MGAT4C: variants seen among roughly 807,000 people sequenced by gnomAD.
The protein encoded by MGAT4C is alpha-1,3-mannosyl-glycoprotein 4-beta-N-acetylglucosaminyltransferase C.
A neutral mutation model predicts 40.1 loss-of-function variants in MGAT4C; 19 were observed. The observed-to-expected ratio is 0.47, with a 90% confidence interval of 0.33 to 0.70. MGAT4C has a LOEUF of 0.70. Ranked by LOEUF, MGAT4C falls within the 30% of genes least tolerant of loss-of-function variation. The pLI, the probability that MGAT4C is intolerant of heterozygous loss-of-function variation, is 0.02. For missense variants in MGAT4C, 491 were observed against 563.2 expected (o/e 0.87, Z 1.30); for synonymous variants, 181 against 187.1 (o/e 0.97, Z 0.27).
In MGAT4C at chr12:86,420,237, C is replaced by T. The variant is rs1379837278; in HGVS notation, c.-120+14920G>A. On this transcript the variant is annotated intron_variant, in intron 3 of 7. Coordinates refer to the MGAT4C transcript ENST00000548651. ...TCTAAGAACGATTTTTAAAAATTAG[C>T]GGAGCATGGTGGCATGTGCCCGCAG... Among the ~76,000 whole-genome samples the T allele has an allele frequency of 2.6e-5, 4 of 151,966 alleles. 1 individual carries two copies. In the Middle Eastern group the frequency reaches 0.01, roughly 388 times the overall value.
intron 2 of MGAT4C, among the ~76,000 whole-genome samples, chr12:86,526,737 T>C (rs1165810005): frequency 2.0e-5 from 3 of 152,194 alleles, no homozygotes; most frequent in African/African-American, 7.2e-5. Flanking sequence ...GGGAGGGCCA[T>C]CGCTGGCCAT....
At chr12:86,507,373 G>T (rs1212386778) in intron 2 of MGAT4C, among the ~76,000 whole-genome samples, 1 of 152,020 alleles carries the variant, frequency 6.6e-6, no homozygotes, top group African/African-American at 2.4e-5. Flanking sequence ...ACCTTTATTT[G>T]GCTTCATGTA....
intron 2 of MGAT4C, among the ~76,000 whole-genome samples, chr12:86,690,810 T>C (rs1405555238): frequency 6.6e-6 from 1 of 152,200 alleles, no homozygotes; most frequent in Non-Finnish European, 1.5e-5. Context: ...ACTCAATATT[T>C]TCATCACTTT....
At chr12:86,401,283 T>G (rs375616966) in intron 3 of MGAT4C, among the ~76,000 whole-genome samples, 1 of 104,386 alleles carries the variant, frequency 9.6e-6, no homozygotes, top group Non-Finnish European at 2.2e-5. Flanking sequence ...TGTGTGTGTA[T>G]GTGGGTGTGT....
intron 2 of MGAT4C, among the ~76,000 whole-genome samples, chr12:86,632,683 C>T (rs551042177): frequency 1.1e-4 from 16 of 150,314 alleles, no homozygotes; most frequent in Admixed American, 4.7e-4. Context: ...TGCAGTTTCT[C>T]GCTCATAGGT....
At chr12:86,234,819 C>T (rs1265953895) in intron 1 of MGAT4C, among the ~76,000 whole-genome samples, 3 of 152,064 alleles carry the variant, frequency 2.0e-5, no homozygotes, top group African/African-American at 4.8e-5. Context: ...CTCCTTTTTG[C>T]TAAAACCAAT....
Position 86,618,116 on chromosome 12 carries a change from A to G in MGAT4C, c.-229+109093T>C, listed in dbSNP as rs570579308. Among the ~76,000 whole-genome samples the G allele has an allele frequency of 5.3e-5, 8 of 152,332 alleles. No homozygotes were observed. The East Asian group carries it at 1.2e-3, about 22-fold the overall frequency. ...CTAACTTCAGGGAAATGCAAATCAA[A>G]ACCACAATGAGATATCATCTTATCC... is the stretch of plus-strand genomic sequence containing the variant. On this transcript the variant is annotated intron_variant, in intron 2 of 7. Coordinates refer to the MGAT4C transcript ENST00000548651.
chr12:86,705,025 C>T (rs968855462), intron 2 of MGAT4C, among the ~76,000 whole-genome samples: 18 of 152,040 alleles, frequency 1.2e-4, no homozygotes, highest in Non-Finnish European at 2.1e-4. Flanking sequence ...CCGGGCCCCA[C>T]CTATCATATT....
intron 2 of MGAT4C, among the ~76,000 whole-genome samples, chr12:86,031,110 A>T (rs936646442): frequency 6.6e-6 from 1 of 150,426 alleles, no homozygotes; most frequent in African/African-American, 2.4e-5. Context: ...ATTATAAATA[A>T]TTTTTTTTTT....
intron 2 of MGAT4C, among the ~76,000 whole-genome samples, chr12:86,031,286 A>G (rs975627193): frequency 6.6e-6 from 1 of 151,806 alleles, no homozygotes; most frequent in African/African-American, 2.4e-5. Context: ...TCACAGTGGG[A>G]TAAACCAAGT....
At chr12:86,419,919 G>T (rs76860458) in intron 3 of MGAT4C, among the ~76,000 whole-genome samples, 9 of 152,136 alleles carry the variant, frequency 5.9e-5, no homozygotes, top group African/African-American at 1.7e-4. Flanking sequence ...CAGCAAAGGT[G>T]AGGAAAACAG....
At chr12:86,018,926 A>G (rs1889367490) in intron 2 of MGAT4C, among the ~76,000 whole-genome samples, 1 of 152,086 alleles carries the variant, frequency 6.6e-6, no homozygotes, top group Non-Finnish European at 1.5e-5. Context: ...TTGGGAAGAG[A>G]CAGTAAACTC....
At chr12:86,804,500 A>G (rs1426703090) in intron 1 of MGAT4C, among the ~76,000 whole-genome samples, 1 of 151,830 alleles carries the variant, frequency 6.6e-6, no homozygotes, top group East Asian at 1.9e-4. Context: ...TAGCTACATC[A>G]TTTTATTATA....
At chr12:86,273,615 T>A (rs1463511302) in intron 4 of MGAT4C, among the ~76,000 whole-genome samples, 1 of 152,002 alleles carries the variant, frequency 6.6e-6, no homozygotes, top group Non-Finnish European at 1.5e-5. Flanking sequence ...AGACCTGGAG[T>A]CACAATGTGG....
Position 86,388,084 on chromosome 12 carries a change from A to G in MGAT4C, c.-120+47073T>C, listed in dbSNP as rs140396767. 3.0e-3 allele frequency among the ~76,000 whole-genome samples: 450 copies of G among 152,262 alleles called. 2 individuals carry two copies. The highest frequency in any genetic ancestry group is 0.01 in the African/African-American group (429 of 41,584). On this transcript the variant is annotated intron_variant, in intron 3 of 7. Coordinates refer to the MGAT4C transcript ENST00000548651. ...TTTTAATAATATAAATATTCAAGCC[A>G]TCTATCTTAACTGATTCCTGCAAAG...
At chr12:86,067,557 G>C (rs967961070) in intron 1 of MGAT4C, among the ~76,000 whole-genome samples, 1 of 152,052 alleles carries the variant, frequency 6.6e-6, no homozygotes, top group African/African-American at 2.4e-5. Flanking sequence ...GGGCCTGTTG[G>C]GGGGTGGGGG....
chr12:86,211,796 T>A (rs1207142741), intron 1 of MGAT4C, among the ~76,000 whole-genome samples: 2 of 151,572 alleles, frequency 1.3e-5, no homozygotes, highest in African/African-American at 4.8e-5. Flanking sequence ...GTTGTTTTGT[T>A]TTTTTTTTCC....
At chr12:86,156,020 T>A (rs1278144723) in intron 1 of MGAT4C, among the ~76,000 whole-genome samples, 3 of 152,192 alleles carry the variant, frequency 2.0e-5, no homozygotes, top group African/African-American at 7.2e-5. Flanking sequence ...CAGTTTTGTC[T>A]CCAACCTGGA....
At chr12:86,761,664 ATTTTCTTGACTT>A (rs1951408514) in intron 1 of MGAT4C, among the ~76,000 whole-genome samples, 1 of 151,980 alleles carries the variant, frequency 6.6e-6, no homozygotes. Context: ...GGGAGAATTA[ATTTTCTTGACTT>A]TTTAGTGGTA....
Sources: allele counts gnomAD v4.1 joint callset (sites outside exome capture counted in the v4.1 genomes callset), GRCh38; gene constraint gnomAD v4.1.1; transcripts MANE v1.5; gene names NCBI Gene and HGNC (gene_info 2026-07-23, HGNC 2026-07-21).